The following IL1RL2 variants were observed in gnomAD, a reference collection of about 807,000 sequenced individuals.
IL1RL2 encodes interleukin-1 receptor-like 2.
Under a neutral mutation model 66.8 loss-of-function variants are expected in IL1RL2, and 68 were observed. That is an observed-to-expected ratio of 1.02 (90% CI 0.84 to 1.25). IL1RL2 has a LOEUF of 1.25. Among genes scored for constraint, IL1RL2 ranks in the 50% most tolerant of loss-of-function variants. The pLI, the probability that IL1RL2 is intolerant of heterozygous loss-of-function variation, is 0.00. For synonymous variants in IL1RL2, 305 were observed against 264.6 expected (o/e 1.15, Z -1.48); for missense variants, 729 against 709.3 (o/e 1.03, Z -0.32).
chr2:102,187,222 A>AC, intron 1 of IL1RL2, 136 bp downstream of exon 1: 1 of 1,206,730 alleles, frequency 8.3e-7, no homozygotes, highest in South Asian at 1.4e-5. Context: ...CCGGCCCCCG[A>AC]CCGGCTAGGT....
chr2:102,212,979 A>G (rs1689307523), intron 6 of IL1RL2, among the ~76,000 whole-genome samples: 1 of 152,172 alleles, frequency 6.6e-6, no homozygotes, highest in African/African-American at 2.4e-5. Flanking sequence ...ACAAAACAAA[A>G]CAAAACAAAA....
At chr2:102,206,920 T>A (rs1031132559) in intron 5 of IL1RL2, among the ~76,000 whole-genome samples, 1 of 152,216 alleles carries the variant, frequency 6.6e-6, no homozygotes, top group East Asian at 1.9e-4. Flanking sequence ...TACCAAGTGT[T>A]TTTTTGTACT....
chr2:102,200,468 A>G (rs1333031705), intron 4 of IL1RL2, among the ~76,000 whole-genome samples: 1 of 152,146 alleles, frequency 6.6e-6, no homozygotes, highest in Non-Finnish European at 1.5e-5. Context: ...GGGCAGGTAA[A>G]TATTTATTTA....
chr2:102,217,656 A>G (rs1036047155), intron 6 of IL1RL2, among the ~76,000 whole-genome samples: 4 of 152,196 alleles, frequency 2.6e-5, no homozygotes, highest in African/African-American at 9.6e-5. Context: ...ATATTTGACA[A>G]AAGTGCCAGG....
chr2:102,230,951 T>TA (rs1374445287), intron 9 of IL1RL2, among the ~76,000 whole-genome samples: 1 of 152,186 alleles, frequency 6.6e-6, no homozygotes, highest in Non-Finnish European at 1.5e-5. Flanking sequence ...TTTCCCTTAT[T>TA]AATCTTAAAA....
intron 2 of IL1RL2, among the ~76,000 whole-genome samples, chr2:102,188,595 A>AAAAAAAAG: frequency 6.6e-6 from 1 of 151,778 alleles, no homozygotes; most frequent in East Asian, 1.9e-4. Flanking sequence ...CTCAAAAAAA[A>AAAAAAAAG]AAAAAAAAGG....
At chr2:102,187,293 C>T in intron 1 of IL1RL2, 1 of 1,175,464 alleles carries the variant, frequency 8.5e-7, no homozygotes, top group Non-Finnish European at 1.1e-6. Context: ...CTATTTTCAG[C>T]TCCAGCGGCT....
intron 10 of IL1RL2, 129 bp downstream of exon 10, chr2:102,233,253 G>A (rs1020878178): frequency 5.6e-6 from 5 of 896,222 alleles, no homozygotes; most frequent in South Asian, 1.8e-5. Context: ...TATGACCAGC[G>A]CCCCCTGCCC....
chr2:102,235,193 G>T lies in IL1RL2; in HGVS notation c.1594G>T (p.Val532Leu). ...QCMKTKFWKT[V>L]RYHMPPRRCR... ...TATGAAGACCAAGTTTTGGAAGACA[G>T]TGAGATACCACATGCCGCCCAGAAG... Residue 532 changes from valine to leucine, a missense_variant, in exon 11 of 12, where the codon GTG (valine) becomes TTG (leucine). Physicochemically the swap from Val to Leu is conservative, Grantham distance 32. Transcript: ENST00000264257. The T allele has an allele frequency of 6.2e-7, 1 of 1,614,242 alleles. No homozygotes were observed. The highest frequency in any genetic ancestry group is 8.5e-7 in the Non-Finnish European group (1 of 1,180,050).
At chr2:102,238,546 G>A (rs1001192846) in intron 11 of IL1RL2, among the ~76,000 whole-genome samples, 2 of 152,200 alleles carry the variant, frequency 1.3e-5, no homozygotes, top group Non-Finnish European at 2.9e-5. Context: ...CCACGTCATG[G>A]TTGGTTGACC....
rs965324283 is a variant in IL1RL2 at position 102,239,624 on chromosome 2, G to A, written c.*383G>A. On this transcript the variant is annotated 3_prime_UTR_variant, in exon 12 of 12. Coordinates refer to ENST00000264257, the MANE Select transcript of IL1RL2 (RefSeq NM_003854.4). ...GTGAGGGCGGGTGGTCATCCACATG[G>A]TCATAGTGGGTGAGAGCTGGGGGTA... 1 of 227,578 alleles carries A rather than the reference G, an allele frequency of 4.4e-6. No individual in the cohort carries two copies. Among genetic ancestry groups the A allele is most frequent in the African/African-American group, 2.3e-5 (1 of 44,234 alleles). The allele number at this position is 227,578 out of a possible 1,614,324, so 14.1% of individuals were successfully genotyped here.
At chr2:102,217,428 G>A (rs1027587391) in intron 6 of IL1RL2, among the ~76,000 whole-genome samples, 9 of 151,866 alleles carry the variant, frequency 5.9e-5, no homozygotes, top group African/African-American at 2.2e-4. Context: ...ATTTGTATAG[G>A]ACCATAAAAC....
intron 6 of IL1RL2, among the ~76,000 whole-genome samples, chr2:102,213,251 T>G (rs1326918122): frequency 6.6e-6 from 1 of 152,164 alleles, no homozygotes; most frequent in Non-Finnish European, 1.5e-5. Context: ...ATAGTAAAAG[T>G]AATGTGTCTA....
rs1686853915 is a variant in IL1RL2, at chr2:102,188,051, C to A, written c.58+126C>A. 4 of 832,584 alleles carry A rather than the reference C, an allele frequency of 4.8e-6. No homozygotes were observed. The Admixed American group carries it at 5.8e-5, about 12-fold the overall frequency. 51.6% of individuals were successfully genotyped at this position (832,584 alleles called of 1,614,324 possible). A position where few individuals can be genotyped will look rare whatever the true frequency, so the allele number is the denominator to read the frequency against. ...TCCTTCCCCTCCCCAGACCGCCAGG[C>A]GGAGTTCCGCGGAAGAGGAAACAGA... On this transcript the variant is annotated intron_variant, in intron 2 of 11. Transcript: ENST00000264257.
chr2:102,199,230 A>G (rs1688033003), intron 4 of IL1RL2, among the ~76,000 whole-genome samples: 2 of 152,172 alleles, frequency 1.3e-5, no homozygotes, highest in African/African-American at 4.8e-5. Flanking sequence ...GCATTGCACT[A>G]TTTTAATCCT....
intron 4 of IL1RL2, 24 bp downstream of exon 4, chr2:102,192,144 TA>T: frequency 6.8e-7 from 1 of 1,479,696 alleles, no homozygotes; most frequent in Non-Finnish European, 9.1e-7. Context: ...TTCTTATTGA[TA>T]TTTTTCCTCC....
intron 8 of IL1RL2, among the ~76,000 whole-genome samples, chr2:102,223,216 C>T (rs1246662934): frequency 6.6e-6 from 1 of 152,188 alleles, no homozygotes; most frequent in African/African-American, 2.4e-5. Context: ...CTAGGAACTT[C>T]ACCCTTTTAA....
In IL1RL2 at chr2:102,201,649, T is replaced by C; in HGVS notation, c.583T>C (p.Cys195Arg). Residue 195 changes from cysteine (C) to arginine (R), a missense_variant, in exon 5 of 12, where the codon TGT becomes CGT. Physicochemically the swap from Cys to Arg is radical, Grantham distance 180 (BLOSUM62 -3). Coordinates refer to ENST00000264257, the MANE Select transcript of IL1RL2 (RefSeq NM_003854.4). ...VSAEDRGNYA[C>R]QAILTHSGKQ... ...GGCAGAGGACAGAGGGAACTACGCG[T>C]GTCAAGCCATACTGACACACTCAGG... 1.2e-6 allele frequency: 2 copies of C among 1,614,114 alleles called. No individual in the cohort carries two copies. Among genetic ancestry groups the C allele is most frequent in the Non-Finnish European group, 1.7e-6 (2 of 1,180,008 alleles).
In IL1RL2 at chr2:102,201,723, T is replaced by G; in HGVS notation, c.649+8T>G. 6.2e-7 allele frequency: 1 copy of G among 1,611,914 alleles called. No homozygotes were observed. The highest frequency in any genetic ancestry group is 8.5e-7 in the Non-Finnish European group (1 of 1,178,728). On this transcript the variant is annotated splice_region_variant and intron_variant, in intron 5 of 11. Transcript: ENST00000264257. Reference sequence around the variant, plus strand: ...GCATCACTGTGAGCATTAGTAAGTATGCTCATGTATGCCTGTCGCCTTGTA... The same window carrying G: ...GCATCACTGTGAGCATTAGTAAGTAGGCTCATGTATGCCTGTCGCCTTGTA...
Sources: gnomAD v4.1 joint callset for allele counts (sites outside exome capture counted in the v4.1 genomes callset) on GRCh38, gnomAD v4.1.1 for gene constraint, MANE v1.5 for transcripts, NCBI Gene and HGNC (gene_info 2026-07-23, HGNC 2026-07-21) for gene names.